YWHAB: variants seen among roughly 807,000 people sequenced by gnomAD.
YWHAB encodes the protein tyrosine 3-monooxygenase/tryptophan 5-monooxygenase activation protein beta, also known as 14-3-3 protein beta/alpha.
YWHAB carries 2 observed loss-of-function variants against 28.5 expected under a neutral mutation model. That is an observed-to-expected ratio of 0.07 (90% CI 0.03 to 0.22). The LOEUF is 0.22. YWHAB is among the 10% of genes least tolerant of loss of function. The probability of loss-of-function intolerance (pLI) is 1.00; values close to 1 mark genes in which losing one functional copy is unlikely to be tolerated. For synonymous variants in YWHAB, 103 were observed against 104.7 expected (o/e 0.98, Z 0.10); for missense variants, 148 against 297.1 (o/e 0.50, Z 3.69).
intron 2 of YWHAB, chr20:44,903,671 T>A (rs962820441): frequency 5.1e-6 from 1 of 197,310 alleles, no homozygotes; most frequent in Non-Finnish European, 1.0e-5. Flanking sequence ...TATAATCTGC[T>A]TTTTTTCCAC....
At chr20:44,897,852 C>G (rs1713837474) in intron 1 of YWHAB, among the ~76,000 whole-genome samples, 1 of 152,218 alleles carries the variant, frequency 6.6e-6, no homozygotes, top group African/African-American at 2.4e-5. Context: ...TTTAACCCAG[C>G]AAAAGTTTCT....
At chr20:44,901,026 G>C (rs1278299978) in intron 1 of YWHAB, among the ~76,000 whole-genome samples, 2 of 152,062 alleles carry the variant, frequency 1.3e-5, no homozygotes, top group African/African-American at 4.8e-5. Context: ...TGCCCTCCTC[G>C]GCCTCCCAGA....
At chr20:44,904,243 C>A in intron 3 of YWHAB, 127 bp downstream of exon 3, 3 of 1,243,070 alleles carry the variant, frequency 2.4e-6, no homozygotes, top group Non-Finnish European at 3.3e-6. Flanking sequence ...ATTTAAAAGA[C>A]CACAGCATTG....
In YWHAB at chr20:44,895,192, G is replaced by C. The variant is rs1024974558; in HGVS notation, c.-3-6339G>C. On this transcript the variant is annotated intron_variant, in intron 1 of 5. Transcript: ENST00000353703. ...TAGAAGAATGGGTGGAGTTCAGATA[G>C]GCAGGCAGTAAATAGGAGAGCACTC... Among the ~76,000 whole-genome samples, 18 of 152,200 alleles carry C rather than the reference G, an allele frequency of 1.2e-4. 1 individual carries two copies. Among genetic ancestry groups the C allele is most frequent in the African/African-American group, 4.3e-4 (18 of 41,446 alleles).
intron 2 of YWHAB, chr20:44,903,198 C>T (rs1292917973): frequency 2.5e-5 from 15 of 596,340 alleles, no homozygotes; most frequent in South Asian, 7.5e-5. Flanking sequence ...TGCCAGGCAA[C>T]GTGTTAAGCG....
intron 1 of YWHAB, among the ~76,000 whole-genome samples, chr20:44,891,814 C>G (rs2066563876): frequency 6.6e-6 from 1 of 152,206 alleles, no homozygotes. Flanking sequence ...GGACTTAGTG[C>G]TAATGACTTT....
intron 1 of YWHAB, among the ~76,000 whole-genome samples, chr20:44,895,047 T>A (rs761734425): frequency 1.3e-5 from 2 of 152,256 alleles, no homozygotes; most frequent in Non-Finnish European, 2.9e-5. Flanking sequence ...ACAGTACTCA[T>A]CTGTATCACA....
intron 4 of YWHAB, 116 bp downstream of exon 4, chr20:44,905,247 G>T: frequency 9.7e-7 from 1 of 1,026,578 alleles, no homozygotes; most frequent in Non-Finnish European, 1.4e-6. Context: ...ATTTTCTGGG[G>T]GTGGGAGTGT....
intron 1 of YWHAB, 92 bp from the exon 2 acceptor site, chr20:44,901,439 C>T (rs2066625769): frequency 7.6e-7 from 1 of 1,316,166 alleles, no homozygotes; most frequent in Non-Finnish European, 1.0e-6. Context: ...TAGTATGCTG[C>T]TTTCCAGATG....
intron 2 of YWHAB, chr20:44,902,501 C>G (rs2066633237): frequency 1.3e-5 from 2 of 152,170 alleles, no homozygotes; most frequent in African/African-American, 4.8e-5. Context: ...TCTTTTTCTT[C>G]CAGGTGAAAT....
intron 2 of YWHAB, chr20:44,902,200 G>A (rs576414465): frequency 3.1e-5 from 5 of 162,216 alleles, no homozygotes; most frequent in South Asian, 3.9e-4. Context: ...CGCCAGTAGG[G>A]GAGGGAGATG....
At chr20:44,905,783 A>G (rs758835848) in intron 4 of YWHAB, 5 of 477,084 alleles carry the variant, frequency 1.0e-5, no homozygotes, top group Non-Finnish European at 1.9e-5. Flanking sequence ...TAGGTACAGC[A>G]AAGTTCTTAC....
At chr20:44,898,705 A>G (rs1307283371) in intron 1 of YWHAB, among the ~76,000 whole-genome samples, 4 of 151,926 alleles carry the variant, frequency 2.6e-5, no homozygotes, top group Admixed American at 2.0e-4. Flanking sequence ...ACGGGGTTTC[A>G]CCGTGTTAGC....
intron 2 of YWHAB, chr20:44,902,391 C>G (rs1477856012): frequency 6.6e-6 from 1 of 152,332 alleles, no homozygotes; most frequent in African/African-American, 2.4e-5. Flanking sequence ...ATGATTGATT[C>G]CCTCTGGCCG....
chr20:44,908,146 T>TA lies in YWHAB; in HGVS notation c.*1712dup, dbSNP rs1465322253. 1 of 133,540 alleles carries TA rather than the reference T, an allele frequency of 7.5e-6. No homozygotes were observed. The highest frequency in any genetic ancestry group is 2.0e-4 in the East Asian group (1 of 4,962). The allele number at this position is 133,540 out of a possible 1,614,324, so 8.3% of individuals were successfully genotyped here. ...GAAAAGAAAAATTTATGCACTGATT[T>TA]AAAACAAACCAAAAAAAAAGAAAAA... is the stretch of plus-strand genomic sequence containing the variant. On this transcript the variant is annotated 3_prime_UTR_variant, in exon 6 of 6. Coordinates refer to ENST00000353703, the MANE Select transcript of YWHAB (RefSeq NM_139323.4).
rs16989472 is a variant in YWHAB, at chr20:44,891,663, C to T, written c.-4+5777C>T. On this transcript the variant is annotated intron_variant, in intron 1 of 5. Transcript: ENST00000353703. ...CCATTAAGTCACATGTGTAACCTTG[C>T]GCCTGTCACTTAACACCCTCAGTAA... Among the ~76,000 whole-genome samples, 226 of 152,272 alleles carry T rather than the reference C, an allele frequency of 1.5e-3. 2 individuals are homozygous for T. The East Asian group carries it at 0.035, about 24-fold the overall frequency.
intron 2 of YWHAB, chr20:44,902,564 C>A (rs2145538020): frequency 6.6e-6 from 1 of 152,336 alleles, no homozygotes; most frequent in South Asian, 2.1e-4. Context: ...GGAATTCACA[C>A]TTGGGGACCT....
Position 44,907,458 on chromosome 20 carries a change from GAAAACAA to G in YWHAB, c.*1032_*1038del, listed in dbSNP as rs768955837. On this transcript the variant is annotated 3_prime_UTR_variant, in exon 6 of 6. Coordinates refer to ENST00000353703, the MANE Select transcript of YWHAB (RefSeq NM_139323.4). The stretch of plus-strand genomic sequence containing the variant: ...ATAGCGAGACCTCATCTCCAAAAAA[GAAAACAA>G]AAAACAAAAAAAGGAATGATGTTCT... The G allele has an allele frequency of 7.2e-5, 11 of 152,004 alleles. No individual in the cohort carries two copies. The highest frequency in any genetic ancestry group is 1.9e-4 in the East Asian group (1 of 5,192). 9.4% of individuals were successfully genotyped at this position (152,004 alleles called of 1,614,324 possible).
intron 1 of YWHAB, among the ~76,000 whole-genome samples, chr20:44,896,445 A>G (rs2066596419): frequency 6.6e-6 from 1 of 152,208 alleles, no homozygotes; most frequent in Non-Finnish European, 1.5e-5. Context: ...GCAAAGATAG[A>G]AAAGCATACT....
Sources: allele counts gnomAD v4.1 joint callset (sites outside exome capture counted in the v4.1 genomes callset), GRCh38; gene constraint gnomAD v4.1.1; transcripts MANE v1.5; gene names NCBI Gene and HGNC (gene_info 2026-07-23, HGNC 2026-07-21).